SAG: variants seen among roughly 807,000 people sequenced by gnomAD.
SAG encodes the protein S-antigen visual arrestin.
In SAG, 45 loss-of-function variants were observed where a neutral mutation model predicts 55.0. That is an observed-to-expected ratio of 0.82 (90% CI 0.64 to 1.05). SAG has a LOEUF of 1.05. Ranked by LOEUF, SAG falls within the 50% of genes least tolerant of loss-of-function variation. SAG has a pLI of 0.00. For missense variants in SAG, 455 were observed against 512.1 expected, an observed-to-expected ratio of 0.89 and a Z score of 1.08; for synonymous variants, 189 against 197.4, an observed-to-expected ratio of 0.96 and a Z score of 0.36.
At chr2:233,339,021 A>G (rs1559452839) in intron 12 of SAG, among the ~76,000 whole-genome samples, 2 of 152,230 alleles carry the variant, frequency 1.3e-5, no homozygotes, top group Non-Finnish European at 2.9e-5. Context: ...GCATATGTGC[A>G]TGTGGTAGAA....
intron 11 of SAG, among the ~76,000 whole-genome samples, chr2:233,337,216 GAT>G (rs752543427): frequency 6.0e-5 from 9 of 150,300 alleles, no homozygotes; most frequent in Non-Finnish European, 1.2e-4. Context: ...TCCAGATAAA[GAT>G]ATTCTGTCCT....
chr2:233,309,105 A>T, intron 1 of SAG, 57 bp from the exon 2 acceptor site: 1 of 1,010,624 alleles, frequency 9.9e-7, no homozygotes, highest in Non-Finnish European at 1.5e-6. Flanking sequence ...TCTTGACTTG[A>T]TATTTAGGAT....
chr2:233,343,392 CTA>C (rs766426375), intron 14 of SAG: 1 of 192,316 alleles, frequency 5.2e-6, no homozygotes, highest in Non-Finnish European at 1.1e-5. Flanking sequence ...CTGAAGATAA[CTA>C]TTTTTGACAG....
chr2:233,331,092 G>C (rs1700747000), intron 9 of SAG, among the ~76,000 whole-genome samples: 1 of 152,104 alleles, frequency 6.6e-6, no homozygotes, highest in Non-Finnish European at 1.5e-5. Flanking sequence ...GTGATTAAAA[G>C]TCATCTTTTT....
At chr2:233,343,393 T>C in intron 14 of SAG, 1 of 193,096 alleles carries the variant, frequency 5.2e-6, no homozygotes, top group Non-Finnish European at 1.1e-5. Context: ...TGAAGATAAC[T>C]ATTTTTGACA....
chr2:233,309,302 T>C (rs1559429171), intron 2 of SAG, 38 bp downstream of exon 2: 1 of 1,565,544 alleles, frequency 6.4e-7, no homozygotes, highest in Non-Finnish European at 8.8e-7. Context: ...ATAGAAATTA[T>C]TGTTTAAAAA....
intron 6 of SAG, among the ~76,000 whole-genome samples, chr2:233,326,007 T>G (rs1700542594): frequency 6.6e-6 from 1 of 150,762 alleles, no homozygotes; most frequent in Admixed American, 6.7e-5. Context: ...TATGTCACCA[T>G]GGACAGAGCT....
chr2:233,322,928 A>G lies in SAG; in HGVS notation c.376-18A>G. ...CCCCTTCTGAAATAAATGATTTTTT[A>G]TTTGTTTCTTTCCACAGTTTCCTGA... is the stretch of plus-strand genomic sequence containing the variant. On this transcript the variant is annotated intron_variant, in intron 5 of 15. Transcript: ENST00000409110. 1 of 1,487,046 alleles carries G rather than the reference A, an allele frequency of 6.7e-7. No homozygotes were observed. The highest frequency in any genetic ancestry group is 2.0e-5 in the Admixed American group (1 of 50,834). The allele number at this position is 1,487,046 out of a possible 1,614,324, so 92.1% of individuals were successfully genotyped here.
chr2:233,317,476 C>T (rs1700243266), intron 3 of SAG, among the ~76,000 whole-genome samples: 2 of 152,230 alleles, frequency 1.3e-5, no homozygotes, highest in Non-Finnish European at 2.9e-5. Flanking sequence ...CATTTCAACA[C>T]AAAACGTCTT....
At chr2:233,342,210 G>C in intron 13 of SAG, 61 bp from the exon 14 acceptor site, 1 of 1,277,222 alleles carries the variant, frequency 7.8e-7, no homozygotes, top group Non-Finnish European at 1.1e-6. Flanking sequence ...ATAGGTCTTT[G>C]CTGTGTTACT....
At chr2:233,321,987 AC>A (rs1700394223) in intron 5 of SAG, among the ~76,000 whole-genome samples, 4 of 1,458 alleles carry the variant, frequency 2.7e-3, no homozygotes, top group Non-Finnish European at 5.5e-3. Context: ...TACTAAAAAT[AC>A]ACACACACAC....
intron 9 of SAG, among the ~76,000 whole-genome samples, chr2:233,330,330 C>T (rs1253168427): frequency 6.6e-6 from 1 of 152,142 alleles, no homozygotes; most frequent in Non-Finnish European, 1.5e-5. Context: ...GTGGAACTTC[C>T]AGTCCTAAAA....
chr2:233,314,770 A>G (rs1700172892), intron 2 of SAG, among the ~76,000 whole-genome samples: 1 of 152,174 alleles, frequency 6.6e-6, no homozygotes, highest in South Asian at 2.1e-4. Context: ...CGAGTAACCT[A>G]GAGGGCACAG....
At chr2:233,342,354 T>TTAATTATTTGC (rs1462213137) in intron 14 of SAG, 28 bp downstream of exon 14, 1 of 1,553,432 alleles carries the variant, frequency 6.4e-7, no homozygotes, top group Admixed American at 1.8e-5. Context: ...TTAGCTTTCT[T>TTAATTATTTGC]TAATTATTTG....
rs373412387 is a variant in SAG, at chr2:233,316,099, G to T, written c.100G>T (p.Asp34Tyr). The T allele has an allele frequency of 7.4e-5, 119 of 1,598,586 alleles. 1 individual carries two copies. Among genetic ancestry groups the T allele is most frequent in the Non-Finnish European group, 9.7e-5 (113 of 1,170,968 alleles). ...KSVTIYLGNR[D>Y]YIDHVSQVQP... is the part of the protein sequence containing the mutation. The stretch of plus-strand genomic sequence containing the variant: ...GGTGACCATCTACCTGGGGAACAGA[G>T]ACTACATAGACCATGTCAGCCAAGT... Residue 34 changes from aspartate to tyrosine, a missense_variant, in exon 3 of 16, where the codon GAC becomes TAC. Coordinates refer to ENST00000409110, the MANE Select transcript of SAG (RefSeq NM_000541.5).
At position 233,319,681 on chromosome 2, in the gene SAG, A is replaced by G. The variant is rs1273253941; in HGVS notation, c.181+886A>G. The G allele has an allele frequency of 4.1e-6, 4 of 985,616 alleles. No homozygotes were observed. Among genetic ancestry groups the G allele is most frequent in the Admixed American group, 6.1e-5 (1 of 16,274 alleles). 61.1% of individuals were successfully genotyped at this position (985,616 alleles called of 1,614,324 possible). On this transcript the variant is annotated intron_variant, in intron 4 of 15. Coordinates refer to ENST00000409110, the MANE Select transcript of SAG (RefSeq NM_000541.5). This position sits in a 1 kb window ranked among gnomAD's most constrained non-coding sequence, Gnocchi z 4.4. The stretch of plus-strand genomic sequence containing the variant: ...CCTGCTCCTCTCTGGACCAGGAGGC[A>G]TCTGGTTTGAGCCCCGAAAGCCCAA...
Position 233,340,465 on chromosome 2 carries a change from G to C in SAG, c.1033G>C (p.Glu345Gln), listed in dbSNP as rs373368922. The change falls in exon 13 of 16, where the codon GAG (glutamate) becomes CAG (glutamine). Residue 345 changes from glutamate (E) to glutamine (Q), a missense_variant. Transcript: ENST00000409110. The surrounding 1 kb of genome is among the most constrained non-coding windows in gnomAD (Gnocchi z 4.2). ...VKLTVSGFLG[E>Q]LTSSEVATEV... Reference sequence around the variant, plus strand: ...GTTTGTGTTTTCTAGCTTTCTGGGAGAGCTCACCTCCAGGTAAGCCTGTTC... The same window carrying C: ...GTTTGTGTTTTCTAGCTTTCTGGGACAGCTCACCTCCAGGTAAGCCTGTTC... The C allele has an allele frequency of 6.2e-7, 1 of 1,611,140 alleles. No individual in the cohort carries two copies. Among genetic ancestry groups the C allele is most frequent in the Non-Finnish European group, 8.5e-7 (1 of 1,178,508 alleles).
intron 5 of SAG, 102 bp downstream of exon 5, chr2:233,320,925 A>G: frequency 5.9e-6 from 6 of 1,011,438 alleles, no homozygotes; most frequent in Non-Finnish European, 8.5e-6. Context: ...TCACATCTGC[A>G]GGCCTGGAAA....
At chr2:233,334,729 A>G (rs766865134) in intron 10 of SAG, 13 of 518,626 alleles carry the variant, frequency 2.5e-5, no homozygotes, top group Non-Finnish European at 3.5e-5. Flanking sequence ...TCAGCAATTC[A>G]GAATAGGCTG....
Sources: gnomAD v4.1 joint callset for allele counts (sites outside exome capture counted in the v4.1 genomes callset) on GRCh38, gnomAD v4.1.1 for gene constraint, Gnocchi (gnomAD v3.1) non-coding constraint, MANE v1.5 for transcripts, NCBI Gene and HGNC (gene_info 2026-07-23, HGNC 2026-07-21) for gene names.